DIAPH2: variants seen among roughly 807,000 people sequenced by gnomAD.
DIAPH2 encodes diaphanous related formin 2.
DIAPH2 carries 35 observed loss-of-function variants against 92.7 expected under a neutral mutation model. That is an observed-to-expected ratio of 0.38 (90% CI 0.29 to 0.50). The LOEUF is 0.50. Ranked by LOEUF, DIAPH2 falls within the 20% of genes least tolerant of loss-of-function variation. DIAPH2 has a pLI of 0.94. For missense variants in DIAPH2, 701 were observed against 819.5 expected, an observed-to-expected ratio of 0.86 and a Z score of 1.77; for synonymous variants, 301 against 280.4, an observed-to-expected ratio of 1.07 and a Z score of -0.73.
intron 17 of DIAPH2, among the ~76,000 whole-genome samples, chrX:96,989,921 T>A (rs957211155): frequency 2.0e-4 from 23 of 112,316 alleles, no homozygotes; most frequent in Admixed American, 5.7e-4. Context: ...ATAGTTATTT[T>A]AAAACATGTA....
chrX:97,096,793 G>A (rs1278929727), intron 19 of DIAPH2, among the ~76,000 whole-genome samples: 2 of 111,687 alleles, frequency 1.8e-5, no homozygotes, highest in African/African-American at 6.5e-5. Flanking sequence ...TCTGGGCCTG[G>A]AATCACATCC....
chrX:97,095,108 T>C lies in DIAPH2; in HGVS notation c.2248-4586T>C, dbSNP rs902625011. Among the ~76,000 whole-genome samples, 42 of 54,205 alleles carry C rather than the reference T, an allele frequency of 7.7e-4. 1 individual carries two copies. The highest frequency in any genetic ancestry group is 1.9e-3 in the African/African-American group (27 of 14,545). 47.1% of individuals were successfully genotyped at this position (54,205 alleles called of 115,157 possible). On this transcript the variant is annotated intron_variant, in intron 19 of 26. Transcript: ENST00000324765. ...GAAATGTTTCTTTTTCTTTTTTTTT[T>C]TTTTTTTTTTTTTTTTTTTTTTTTT...
intron 22 of DIAPH2, among the ~76,000 whole-genome samples, chrX:97,221,510 T>C (rs2067924754): frequency 8.9e-6 from 1 of 112,038 alleles, no homozygotes; most frequent in African/African-American, 3.2e-5. Context: ...AATAAGATTA[T>C]ATATAATTTT....
At chrX:97,365,487 C>G (rs1313897100) in intron 24 of DIAPH2, among the ~76,000 whole-genome samples, 3 of 110,761 alleles carry the variant, frequency 2.7e-5, no homozygotes. Context: ...TCTCCCCAGC[C>G]ACTACCCTTT....
At chrX:97,155,922 T>C (rs932016542) in intron 22 of DIAPH2, among the ~76,000 whole-genome samples, 6 of 112,269 alleles carry the variant, frequency 5.3e-5, no homozygotes, top group Non-Finnish European at 1.1e-4. Context: ...AACAGGCAAG[T>C]GATTTCAGGA....
At chrX:97,212,357 G>A (rs1380478983) in intron 22 of DIAPH2, among the ~76,000 whole-genome samples, 1 of 98,783 alleles carries the variant, frequency 1.0e-5, no homozygotes, top group Non-Finnish European at 2.1e-5. Flanking sequence ...TAATGATTTT[G>A]AGTCTCCATT....
intron 4 of DIAPH2, among the ~76,000 whole-genome samples, chrX:96,785,127 G>GA (rs2064445550): frequency 8.9e-6 from 1 of 111,784 alleles, no homozygotes; most frequent in Non-Finnish European, 1.9e-5. Context: ...GTTTTGGACA[G>GA]AAAAAATGGA....
intron 4 of DIAPH2, among the ~76,000 whole-genome samples, chrX:96,810,759 C>T (rs2064672387): frequency 9.0e-6 from 1 of 111,535 alleles, no homozygotes; most frequent in Non-Finnish European, 1.9e-5. Context: ...TTCCCAGCAC[C>T]ATTTATTAAA....
At chrX:96,987,672 G>T (rs1264529066) in intron 17 of DIAPH2, among the ~76,000 whole-genome samples, 3 of 111,246 alleles carry the variant, frequency 2.7e-5, no homozygotes, top group African/African-American at 9.8e-5. Flanking sequence ...GATACACAGT[G>T]TTTTCCAAAG....
At chrX:96,892,560 A>T (rs1488145936) in intron 5 of DIAPH2, among the ~76,000 whole-genome samples, 1 of 111,917 alleles carries the variant, frequency 8.9e-6, no homozygotes, top group Non-Finnish European at 1.9e-5. Flanking sequence ...GTGACATGGA[A>T]ATTTTAATTA....
chrX:96,800,743 G>A (rs1190109896), intron 4 of DIAPH2, among the ~76,000 whole-genome samples: 2 of 112,004 alleles, frequency 1.8e-5, no homozygotes, highest in Admixed American at 9.4e-5. Context: ...AAAAGGCAAA[G>A]AAATGAAGGA....
chrX:96,684,939 ACTCT>A lies in DIAPH2; in HGVS notation c.-116_-113del. ...GAAATCGGCAGCTTCCCGGGCAGAC[ACTCT>A]CTCCCTCAGGAAGAGGTGCCGCCGA... On this transcript the variant is annotated 5_prime_UTR_variant, in exon 1 of 27. Transcript: ENST00000324765. 3.6e-6 allele frequency: 3 copies of A among 844,607 alleles called. No homozygotes were observed. Among genetic ancestry groups the A allele is most frequent in the African/African-American group, 2.1e-5 (1 of 46,703 alleles). 69.6% of individuals were successfully genotyped at this position (844,607 alleles called of 1,213,427 possible). A position where few individuals can be genotyped will look rare whatever the true frequency, so the allele number is the denominator to read the frequency against.
At chrX:97,136,011 A>G (rs925071764) in intron 21 of DIAPH2, among the ~76,000 whole-genome samples, 1 of 112,160 alleles carries the variant, frequency 8.9e-6, no homozygotes, top group Non-Finnish European at 1.9e-5. Context: ...CCATTTGTGC[A>G]GTCAACAAAT....
At chrX:97,377,452 TC>T (rs1333492195) in intron 24 of DIAPH2, among the ~76,000 whole-genome samples, 1 of 112,119 alleles carries the variant, frequency 8.9e-6, no homozygotes, top group East Asian at 2.8e-4. Flanking sequence ...GGCCGTTTCC[TC>T]ACTAGGTAAA....
intron 26 of DIAPH2, among the ~76,000 whole-genome samples, chrX:97,439,315 C>A (rs2070227780): frequency 9.0e-6 from 1 of 111,251 alleles, no homozygotes; most frequent in African/African-American, 3.3e-5. Context: ...TGGTTCACAC[C>A]TGTAATCCCA....
At chrX:97,272,374 G>A (rs1363040237) in intron 23 of DIAPH2, among the ~76,000 whole-genome samples, 3 of 111,654 alleles carry the variant, frequency 2.7e-5, no homozygotes, top group East Asian at 5.6e-4. Flanking sequence ...TTAACATCAC[G>A]CATTTATTTG....
chrX:97,412,903 CAAT>C (rs1471835815), intron 25 of DIAPH2, among the ~76,000 whole-genome samples: 2 of 111,886 alleles, frequency 1.8e-5, no homozygotes, highest in Non-Finnish European at 3.8e-5. Context: ...GAAATTGAGG[CAAT>C]AATTAATAGC....
At chrX:97,371,057 T>C (rs1428190472) in intron 24 of DIAPH2, among the ~76,000 whole-genome samples, 1 of 111,935 alleles carries the variant, frequency 8.9e-6, no homozygotes, top group Non-Finnish European at 1.9e-5. Flanking sequence ...GCACATCTCT[T>C]AGAGTATTGT....
intron 4 of DIAPH2, among the ~76,000 whole-genome samples, chrX:96,874,931 C>T (rs2065168720): frequency 8.9e-6 from 1 of 111,745 alleles, no homozygotes; most frequent in Non-Finnish European, 1.9e-5. Flanking sequence ...CTGAGCATCT[C>T]TAATCCAAAA....
Sources: gnomAD v4.1 joint callset for allele counts (sites outside exome capture counted in the v4.1 genomes callset) on GRCh38, gnomAD v4.1.1 for gene constraint, MANE v1.5 for transcripts, NCBI Gene and HGNC (gene_info 2026-07-23, HGNC 2026-07-21) for gene names.